The following ABI1 variants were observed in gnomAD, a reference collection of about 807,000 sequenced individuals.
ABI1 encodes Abelson interactor 1.
A neutral mutation model predicts 54.6 loss-of-function variants in ABI1; 14 were observed. That is an observed-to-expected ratio of 0.26 (90% confidence interval 0.17 to 0.40). The LOEUF (loss-of-function observed/expected upper bound fraction) is 0.40, where lower values mean the gene tolerates loss of function less well. Among genes scored for constraint, ABI1 ranks in the 10% least tolerant of loss-of-function variants. The pLI, the probability that ABI1 is intolerant of heterozygous loss-of-function variation, is 1.00. For missense variants in ABI1, 443 were observed against 598.3 expected, an observed-to-expected ratio of 0.74 and a Z score of 2.71; for synonymous variants, 194 against 209.3, an observed-to-expected ratio of 0.93 and a Z score of 0.63.
intron 2 of ABI1, among the ~76,000 whole-genome samples, chr10:26,790,341 T>C (rs969471035): frequency 2.0e-5 from 3 of 152,234 alleles, no homozygotes; most frequent in African/African-American, 7.2e-5. Context: ...TGGTATGAGA[T>C]GGTAGCTCAT....
At chr10:26,765,393 C>T (rs957059305) in intron 6 of ABI1, 75 bp from the exon 7 acceptor site, 1 of 979,446 alleles carries the variant, frequency 1.0e-6, no homozygotes, top group Non-Finnish European at 1.5e-6. Flanking sequence ...TCACCCAAGG[C>T]CACTAAATAC....
At chr10:26,844,894 G>A (rs183263463) in intron 1 of ABI1, among the ~76,000 whole-genome samples, 20 of 152,168 alleles carry the variant, frequency 1.3e-4, no homozygotes, top group African/African-American at 4.8e-4. Flanking sequence ...TTTACAGTGA[G>A]ACAAATGTGA....
At chr10:26,857,547 G>C (rs1307065905) in intron 1 of ABI1, among the ~76,000 whole-genome samples, 1 of 151,448 alleles carries the variant, frequency 6.6e-6, no homozygotes, top group African/African-American at 2.4e-5. Flanking sequence ...GGGGGGCTGA[G>C]GTGGGAGGAT....
intron 2 of ABI1, among the ~76,000 whole-genome samples, chr10:26,812,907 AC>A (rs1278690632): frequency 2.6e-5 from 4 of 152,166 alleles, no homozygotes; most frequent in African/African-American, 9.7e-5. Flanking sequence ...GGGGGGACAC[AC>A]AACTCAGCCA....
At chr10:26,765,392 G>A in intron 6 of ABI1, 74 bp from the exon 7 acceptor site, 3 of 1,041,372 alleles carry the variant, frequency 2.9e-6, no homozygotes, top group Non-Finnish European at 4.2e-6. Flanking sequence ...ATCACCCAAG[G>A]CCACTAAATA....
At chr10:26,813,614 AACTACATATTTTTGTGAAGC>A (rs1420086103) in intron 2 of ABI1, among the ~76,000 whole-genome samples, 3 of 152,204 alleles carry the variant, frequency 2.0e-5, no homozygotes, top group Non-Finnish European at 4.4e-5. Context: ...TGTCTTTTCT[AACTACATATTTTTGTGAAGC>A]AAAATTTCTT....
chr10:26,810,464 C>G (rs1351760878), intron 2 of ABI1, among the ~76,000 whole-genome samples: 2 of 152,138 alleles, frequency 1.3e-5, no homozygotes, highest in African/African-American at 4.8e-5. Flanking sequence ...CCCATGAACA[C>G]TTTTTAAATT....
At chr10:26,848,894 C>G (rs1157619452) in intron 1 of ABI1, among the ~76,000 whole-genome samples, 1 of 152,190 alleles carries the variant, frequency 6.6e-6, no homozygotes, top group Admixed American at 6.6e-5. Context: ...CAGGCATGAG[C>G]CACCACGCCC....
chr10:26,811,463 G>T (rs2047223069), intron 2 of ABI1, among the ~76,000 whole-genome samples: 1 of 152,074 alleles, frequency 6.6e-6, no homozygotes. Flanking sequence ...CCAAAGAAGG[G>T]GAGTTAGGAA....
intron 2 of ABI1, among the ~76,000 whole-genome samples, chr10:26,797,619 A>C (rs1470642083): frequency 6.6e-6 from 1 of 152,216 alleles, no homozygotes; most frequent in Non-Finnish European, 1.5e-5. Context: ...GGAGAATCTC[A>C]GCAGACAGTC....
chr10:26,838,208 G>C (rs1458195120), intron 1 of ABI1, among the ~76,000 whole-genome samples: 1 of 151,844 alleles, frequency 6.6e-6, no homozygotes, highest in African/African-American at 2.4e-5. Context: ...ATTTTTAGTA[G>C]AGACAGGGTT....
At chr10:26,787,354 C>T (rs1842833916) in intron 2 of ABI1, among the ~76,000 whole-genome samples, 1 of 152,150 alleles carries the variant, frequency 6.6e-6, no homozygotes, top group African/African-American at 2.4e-5. Flanking sequence ...TGTTCTTTCC[C>T]TATTTTTCTC....
chr10:26,836,268 A>T (rs2049069414), intron 1 of ABI1, among the ~76,000 whole-genome samples: 1 of 151,798 alleles, frequency 6.6e-6, no homozygotes, highest in Admixed American at 6.6e-5. Flanking sequence ...GTGCGCCACC[A>T]CACCTGGCTA....
At chr10:26,801,465 T>C (rs2046553951) in intron 2 of ABI1, among the ~76,000 whole-genome samples, 2 of 152,016 alleles carry the variant, frequency 1.3e-5, no homozygotes, top group Non-Finnish European at 2.9e-5. Flanking sequence ...CAGGATGACT[T>C]GAGCCCGGGA....
At chr10:26,854,358 TTC>T (rs34438509) in intron 1 of ABI1, among the ~76,000 whole-genome samples, 38,771 of 151,516 alleles carry the variant, frequency 0.26, 5,633 homozygotes, top group South Asian at 0.44. Flanking sequence ...ATATGCAGTA[TTC>T]TCACCTTGAG....
chr10:26,808,624 G>A (rs561767411), intron 2 of ABI1, among the ~76,000 whole-genome samples: 110 of 152,098 alleles, frequency 7.2e-4, no homozygotes, highest in African/African-American at 2.4e-3. Context: ...TCAGGAGGCT[G>A]AGGCAGGAGA....
intron 5 of ABI1, 53 bp from the exon 6 acceptor site, chr10:26,769,045 T>G: frequency 7.2e-7 from 1 of 1,398,404 alleles, no homozygotes; most frequent in Non-Finnish European, 9.5e-7. Context: ...TAAAATTGTA[T>G]TTTTCCCAAA....
intron 2 of ABI1, among the ~76,000 whole-genome samples, chr10:26,790,333 G>C (rs1843254306): frequency 6.6e-6 from 1 of 152,120 alleles, no homozygotes; most frequent in Admixed American, 6.5e-5. Context: ...ATTCTGACTG[G>C]TATGAGATGG....
chr10:26,776,959 A>G, intron 3 of ABI1, 106 bp downstream of exon 3: 1 of 1,030,272 alleles, frequency 9.7e-7, no homozygotes. Context: ...TTATAATGCC[A>G]GCTGCTAAAG....
Sources: gnomAD v4.1 joint callset for allele counts (sites outside exome capture counted in the v4.1 genomes callset) on GRCh38, gnomAD v4.1.1 for gene constraint, MANE v1.5 for transcripts, NCBI Gene and HGNC (gene_info 2026-07-23, HGNC 2026-07-21) for gene names.